SNX9: variants seen among roughly 807,000 people sequenced by gnomAD.
SNX9 encodes the protein sorting nexin-9.
SNX9 carries 44 observed loss-of-function variants against 89.4 expected under a neutral mutation model. The observed-to-expected ratio is 0.49, with a 90% CI of 0.39 to 0.63. The LOEUF (loss-of-function observed/expected upper bound fraction) is 0.63. Among genes scored for constraint, SNX9 ranks in the 30% least tolerant of loss-of-function variants. The pLI, the probability that SNX9 is intolerant of heterozygous loss-of-function variation, is 0.00. For missense variants in SNX9, 578 were observed against 736.1 expected (o/e 0.79, Z 2.49); for synonymous variants, 236 against 247.8 (o/e 0.95, Z 0.45).
intron 4 of SNX9, among the ~76,000 whole-genome samples, chr6:157,885,747 T>C (rs564716288): frequency 2.0e-5 from 3 of 152,118 alleles, no homozygotes; most frequent in Non-Finnish European, 4.4e-5. Flanking sequence ...CATCCCAAGA[T>C]AATAACATAG....
intron 1 of SNX9, among the ~76,000 whole-genome samples, chr6:157,863,656 A>T (rs73024638): frequency 0.05 from 7,644 of 152,270 alleles, 217 homozygotes; most frequent in East Asian, 0.11. Flanking sequence ...TGGAAAATAG[A>T]TGGCAGTTGG....
At chr6:157,923,378 C>A (rs1783622031) in intron 10 of SNX9, among the ~76,000 whole-genome samples, 1 of 151,422 alleles carries the variant, frequency 6.6e-6, no homozygotes, top group Non-Finnish European at 1.5e-5. Flanking sequence ...AGTAAGGTAG[C>A]TGGATACAAG....
At chr6:157,905,300 T>C (rs1562612624) in intron 6 of SNX9, among the ~76,000 whole-genome samples, 1 of 152,230 alleles carries the variant, frequency 6.6e-6, no homozygotes, top group Non-Finnish European at 1.5e-5. Flanking sequence ...GTAGAAGCAA[T>C]GCGACTGGAA....
chr6:157,915,016 T>G (rs1424277729), intron 9 of SNX9, among the ~76,000 whole-genome samples: 2 of 152,174 alleles, frequency 1.3e-5, no homozygotes, highest in Non-Finnish European at 2.9e-5. Context: ...CATCGGGATA[T>G]CCAGTGGGTC....
In SNX9 at chr6:157,943,075, G is replaced by T; in HGVS notation, c.*237G>T. 1 of 388,784 alleles carries T rather than the reference G, an allele frequency of 2.6e-6. No homozygotes were observed. 24.1% of individuals were successfully genotyped at this position (388,784 alleles called of 1,614,324 possible). A position where few individuals can be genotyped will look rare whatever the true frequency, so the allele number is the denominator to read the frequency against. On this transcript the variant is annotated 3_prime_UTR_variant, in exon 18 of 18. Coordinates refer to ENST00000392185, the MANE Select transcript of SNX9 (RefSeq NM_016224.5). Reference sequence around the variant, plus strand: ...CCAGTGGAAATTGTCTCTATTTTTGGAAAGTACTTAAAAGTTACCAGAATT... The same window carrying T: ...CCAGTGGAAATTGTCTCTATTTTTGTAAAGTACTTAAAAGTTACCAGAATT...
intron 5 of SNX9, among the ~76,000 whole-genome samples, chr6:157,899,616 GA>G (rs1003813243): frequency 6.6e-6 from 1 of 151,726 alleles, no homozygotes; most frequent in Non-Finnish European, 1.5e-5. Context: ...ACTAAAAATA[GA>G]AAAAAAATTA....
intron 1 of SNX9, among the ~76,000 whole-genome samples, chr6:157,852,405 C>T (rs777288129): frequency 6.6e-6 from 1 of 152,146 alleles, no homozygotes; most frequent in Non-Finnish European, 1.5e-5. Flanking sequence ...CACAATCCTC[C>T]TTTCCATTTT....
intron 1 of SNX9, among the ~76,000 whole-genome samples, chr6:157,829,864 T>C (rs1170319064): frequency 1.3e-5 from 2 of 152,210 alleles, no homozygotes; most frequent in African/African-American, 2.4e-5. Context: ...TGTTTACTGA[T>C]ATATTTGGAT....
At chr6:157,865,737 TTCTTAG>T (rs2115133421) in intron 1 of SNX9, among the ~76,000 whole-genome samples, 1 of 152,380 alleles carries the variant, frequency 6.6e-6, no homozygotes, top group Admixed American at 6.5e-5. Flanking sequence ...TGGCTTTTTT[TTCTTAG>T]TCTGTTATCA....
chr6:157,856,807 T>C (rs1380823499), intron 1 of SNX9, among the ~76,000 whole-genome samples: 1 of 152,226 alleles, frequency 6.6e-6, no homozygotes. Flanking sequence ...GTGAATAGAT[T>C]CACATTCTTT....
chr6:157,867,042 G>A lies in SNX9; in HGVS notation c.13-505G>A, dbSNP rs377141295. 1.6e-4 allele frequency among the ~76,000 whole-genome samples: 25 copies of A among 152,196 alleles called. No individual in the cohort carries two copies. In the East Asian group the frequency reaches 3.9e-3, roughly 24 times the overall value. On this transcript the variant is annotated intron_variant, in intron 1 of 17. Transcript: ENST00000392185. ...TGGCTTACTGTAACTTTGACCTCCT[G>A]GGCTCAAGCAATCCTCCCGCCTCAG...
intron 14 of SNX9, among the ~76,000 whole-genome samples, chr6:157,937,196 T>C (rs776967722): frequency 6.4e-4 from 97 of 152,246 alleles, no homozygotes; most frequent in Non-Finnish European, 1.1e-3. Flanking sequence ...TCAAAATAAC[T>C]AATTTTACAA....
intron 1 of SNX9, among the ~76,000 whole-genome samples, chr6:157,861,432 A>G (rs1166718742): frequency 6.6e-6 from 1 of 152,250 alleles, no homozygotes; most frequent in Admixed American, 6.5e-5. Context: ...AACTGTAGAA[A>G]GCGTGCTCAT....
At chr6:157,826,046 T>A (rs1472965393) in intron 1 of SNX9, among the ~76,000 whole-genome samples, 1 of 152,192 alleles carries the variant, frequency 6.6e-6, no homozygotes, top group African/African-American at 2.4e-5. Flanking sequence ...TTGGCTATAG[T>A]ATCTTCAGAT....
At chr6:157,850,495 A>G (rs1353512491) in intron 1 of SNX9, among the ~76,000 whole-genome samples, 9 of 152,156 alleles carry the variant, frequency 5.9e-5, no homozygotes, top group Non-Finnish European at 7.4e-5. Context: ...CAGTGCGTGG[A>G]TGGGAGGAGT....
intron 9 of SNX9, among the ~76,000 whole-genome samples, chr6:157,918,707 G>A (rs1400976626): frequency 6.6e-6 from 1 of 151,946 alleles, no homozygotes; most frequent in African/African-American, 2.4e-5. Context: ...ATATTTTACG[G>A]TGTATTGTTT....
At chr6:157,838,742 A>G (rs1033135558) in intron 1 of SNX9, among the ~76,000 whole-genome samples, 1 of 152,154 alleles carries the variant, frequency 6.6e-6, no homozygotes, top group Non-Finnish European at 1.5e-5. Context: ...AAGAGCTCCT[A>G]TTTTAGTGAC....
chr6:157,835,432 A>G (rs1157913980), intron 1 of SNX9, among the ~76,000 whole-genome samples: 1 of 139,146 alleles, frequency 7.2e-6, no homozygotes, highest in East Asian at 2.1e-4. Flanking sequence ...TTTTTTTTTT[A>G]AATAGAGTCT....
intron 1 of SNX9, among the ~76,000 whole-genome samples, chr6:157,851,720 G>A (rs1308225459): frequency 1.3e-5 from 2 of 152,112 alleles, no homozygotes; most frequent in Admixed American, 6.5e-5. Flanking sequence ...CTCCCGAGTA[G>A]CTGGGATTAC....
Sources: gnomAD v4.1 joint callset for allele counts (sites outside exome capture counted in the v4.1 genomes callset) on GRCh38, gnomAD v4.1.1 for gene constraint, MANE v1.5 for transcripts, NCBI Gene and HGNC (gene_info 2026-07-23, HGNC 2026-07-21) for gene names.